The following FAR2 variants were observed in gnomAD, a reference collection of about 807,000 sequenced individuals.
FAR2 encodes fatty acyl-CoA reductase 2.
In FAR2, 19 loss-of-function variants were observed where a neutral mutation model predicts 56.0. The ratio of observed to expected loss-of-function variants is 0.34; its 90% CI spans 0.24 to 0.50. The LOEUF is 0.50. FAR2 is among the 20% of genes least tolerant of loss of function. The pLI is 0.98. For missense variants in FAR2, 508 were observed against 642.2 expected (o/e 0.79, Z 2.26); for synonymous variants, 219 against 218.8 (o/e 1.00, Z -0.01).
chr12:29,165,080 A>G lies in FAR2; in HGVS notation c.-39+15673A>G, dbSNP rs115803806. Among the ~76,000 whole-genome samples, 443 of 152,258 alleles carry G rather than the reference A, an allele frequency of 2.9e-3. 5 individuals carry two copies. Among genetic ancestry groups the G allele is most frequent in the African/African-American group, 0.01 (421 of 41,536 alleles). ...GAAGTTCTTACTATTAATGTAGCTG[A>G]AGTTGCTGAATATTTTCTCTTTGTT... On this transcript the variant is annotated intron_variant, in intron 1 of 11. Transcript: ENST00000536681.
chr12:29,310,737 T>C (rs1250057714), intron 6 of FAR2, among the ~76,000 whole-genome samples: 1 of 152,216 alleles, frequency 6.6e-6, no homozygotes, highest in East Asian at 1.9e-4. Flanking sequence ...AGTTTATTCT[T>C]GGTGTTTGTT....
At chr12:29,320,425 A>G (rs984013409) in intron 9 of FAR2, among the ~76,000 whole-genome samples, 1 of 152,222 alleles carries the variant, frequency 6.6e-6, no homozygotes, top group Non-Finnish European at 1.5e-5. Flanking sequence ...TATGGTGCTT[A>G]TATCAGGCAC....
At chr12:29,156,243 T>A (rs1430391559) in intron 1 of FAR2, among the ~76,000 whole-genome samples, 1 of 152,166 alleles carries the variant, frequency 6.6e-6, no homozygotes, top group African/African-American at 2.4e-5. Flanking sequence ...AAATTTCAAA[T>A]GTCTCACCAA....
chr12:29,310,843 G>A (rs982976796), intron 6 of FAR2, among the ~76,000 whole-genome samples, 185 bp from the exon 7 acceptor site: 3 of 152,162 alleles, frequency 2.0e-5, no homozygotes, highest in Admixed American at 6.6e-5. Flanking sequence ...GGAGACGCAT[G>A]CACTTGGCTG....
chr12:29,227,576 G>A (rs982899833), intron 1 of FAR2, among the ~76,000 whole-genome samples: 4 of 152,150 alleles, frequency 2.6e-5, no homozygotes, highest in East Asian at 1.9e-4. Context: ...GGTTTCCTGC[G>A]TTATCCTTTT....
chr12:29,250,726 C>T (rs1018015734), intron 1 of FAR2, among the ~76,000 whole-genome samples: 1 of 152,104 alleles, frequency 6.6e-6, no homozygotes, highest in Admixed American at 6.5e-5. Context: ...ATTCTGTTCA[C>T]TAAAAATGTG....
intron 10 of FAR2, among the ~76,000 whole-genome samples, chr12:29,328,947 T>C (rs893651955): frequency 7.2e-5 from 11 of 152,036 alleles, no homozygotes; most frequent in Admixed American, 6.6e-5. Flanking sequence ...CTGACCTTGC[T>C]TGCCAGCTAA....
rs776407503 is a variant in FAR2, at chr12:29,202,616, C to T, written c.-39+53209C>T. ...GTAAGAGGTGTTTGGGTCATGGGGG[C>T]GGATCCCTCATAAATGGCTTGATGC... On this transcript the variant is annotated intron_variant, in intron 1 of 11. Coordinates refer to ENST00000536681, the MANE Select transcript of FAR2 (RefSeq NM_001271783.2). Among the ~76,000 whole-genome samples the T allele has an allele frequency of 3.5e-4, 53 of 152,088 alleles. 1 individual carries two copies. The highest frequency in any genetic ancestry group is 5.7e-4 in the Non-Finnish European group (39 of 68,010).
At chr12:29,310,005 T>A (rs1355890950) in intron 6 of FAR2, 6 of 152,212 alleles carry the variant, frequency 3.9e-5, no homozygotes, top group Admixed American at 3.9e-4. Context: ...AGAACTAGGT[T>A]CAACATGAAT....
At chr12:29,270,318 T>C in intron 1 of FAR2, 94 bp from the exon 2 acceptor site, 1 of 964,842 alleles carries the variant, frequency 1.0e-6, no homozygotes, top group Non-Finnish European at 1.5e-6. Context: ...TTTTCTGCAT[T>C]CAAAGCTCTT....
chr12:29,153,492 C>G (rs1453480620), intron 1 of FAR2, among the ~76,000 whole-genome samples: 1 of 152,146 alleles, frequency 6.6e-6, no homozygotes, highest in African/African-American at 2.4e-5. Context: ...AGGCAGGACA[C>G]CAGTTGGAGA....
chr12:29,278,313 A>T (rs1469418475), intron 2 of FAR2, among the ~76,000 whole-genome samples: 1 of 152,058 alleles, frequency 6.6e-6, no homozygotes, highest in Admixed American at 6.6e-5. Context: ...GTTTTATAAC[A>T]ACAAAGTCCC....
chr12:29,312,397 A>T (rs1949368534), intron 8 of FAR2, among the ~76,000 whole-genome samples: 1 of 152,166 alleles, frequency 6.6e-6, no homozygotes, highest in South Asian at 2.1e-4. Context: ...TGAGTCCATC[A>T]TACTGATCAT....
intron 6 of FAR2, among the ~76,000 whole-genome samples, chr12:29,310,360 G>A (rs1156991012): frequency 1.3e-5 from 2 of 152,154 alleles, no homozygotes; most frequent in African/African-American, 4.8e-5. Flanking sequence ...AACATGCAAA[G>A]CACAAAGAAT....
At chr12:29,224,439 T>C (rs2136642634) in intron 1 of FAR2, among the ~76,000 whole-genome samples, 1 of 152,364 alleles carries the variant, frequency 6.6e-6, no homozygotes, top group East Asian at 1.9e-4. Context: ...CAGGGAAGAA[T>C]ATGATACTTT....
intron 1 of FAR2, among the ~76,000 whole-genome samples, chr12:29,235,686 T>A (rs1286799606): frequency 1.3e-5 from 2 of 152,188 alleles, no homozygotes; most frequent in African/African-American, 4.8e-5. Flanking sequence ...TGTAGTCAGT[T>A]CCACCAGCAT....
chr12:29,164,076 G>C (rs567457932), intron 1 of FAR2, among the ~76,000 whole-genome samples: 150 of 152,294 alleles, frequency 9.8e-4, no homozygotes, highest in African/African-American at 3.5e-3. Context: ...AAATGAGTTC[G>C]TGTGTGTTAC....
chr12:29,156,664 C>T (rs1159491137), intron 1 of FAR2: 1 of 152,034 alleles, frequency 6.6e-6, no homozygotes, highest in African/African-American at 2.4e-5. Flanking sequence ...TATTAATGCA[C>T]ACTTTTATAT....
chr12:29,226,286 G>A (rs1460752050), intron 1 of FAR2, among the ~76,000 whole-genome samples: 2 of 152,162 alleles, frequency 1.3e-5, no homozygotes, highest in Non-Finnish European at 2.9e-5. Flanking sequence ...TTGTGAGCAA[G>A]GAGAATTAGA....
Sources: allele counts gnomAD v4.1 joint callset (sites outside exome capture counted in the v4.1 genomes callset), GRCh38; gene constraint gnomAD v4.1.1; transcripts MANE v1.5; gene names NCBI Gene and HGNC (gene_info 2026-07-23, HGNC 2026-07-21).